The following PDE4D variants were observed in gnomAD, a reference collection of about 807,000 sequenced individuals.
PDE4D encodes the protein phosphodiesterase 4D, also known as 3',5'-cyclic-AMP phosphodiesterase 4D.
In PDE4D, 24 loss-of-function variants were observed where a neutral mutation model predicts 87.4. The ratio of observed to expected loss-of-function variants is 0.27; its 90% CI spans 0.20 to 0.39. The LOEUF (loss-of-function observed/expected upper bound fraction) is 0.39, where lower values mean the gene tolerates loss of function less well. Ranked by LOEUF, PDE4D falls within the 10% of genes least tolerant of loss-of-function variation. The probability of loss-of-function intolerance (pLI) is 1.00; values close to 1 mark genes in which losing one functional copy is unlikely to be tolerated. For synonymous variants in PDE4D, 384 were observed against 383.2 expected (o/e 1.00, Z -0.02); for missense variants, 714 against 1,041.0 (o/e 0.69, Z 4.32).
chr5:59,893,148 AG>A lies in PDE4D; in HGVS notation c.455+19del. On this transcript the variant is annotated intron_variant, in intron 1 of 14. Transcript: ENST00000340635. ...AGGTGACCCTTTGCCTGAATGGGGG[AG>A]GGGGCGCTCTCCACTCACCGCCTGA... 1.9e-6 allele frequency: 3 copies of A among 1,545,384 alleles called. No individual in the cohort carries two copies. Among genetic ancestry groups the A allele is most frequent in the Non-Finnish European group, 2.6e-6 (3 of 1,144,472 alleles).
intron 2 of PDE4D, among the ~76,000 whole-genome samples, chr5:60,150,065 A>ATATAC (rs1326736043): frequency 5.4e-5 from 8 of 148,012 alleles, no homozygotes; most frequent in Non-Finnish European, 4.5e-5. Context: ...ATACTAGTAT[A>ATATAC]TATGACTAGT....
Position 60,321,431 on chromosome 5 carries a change from C to A in PDE4D, c.-89-135744G>T, listed in dbSNP as rs540358019. Among the ~76,000 whole-genome samples the A allele has an allele frequency of 1.6e-4, 24 of 152,272 alleles. No individual in the cohort carries two copies. In the East Asian group the frequency reaches 2.9e-3, roughly 18 times the overall value. On this transcript the variant is annotated intron_variant, in intron 1 of 16. Transcript: ENST00000502484. ...AAAGCCTTAAATGTAAAACCTAAAA[C>A]TATACAAATGCTGGAAGATAACCAA...
intron 1 of PDE4D, among the ~76,000 whole-genome samples, chr5:59,354,691 T>A (rs1781078303): frequency 6.6e-6 from 1 of 152,232 alleles, no homozygotes; most frequent in Non-Finnish European, 1.5e-5. Context: ...CCAACTGCCT[T>A]CCTACCTCCC....
At chr5:60,422,464 A>T (rs1389890174) in intron 1 of PDE4D, among the ~76,000 whole-genome samples, 1 of 152,214 alleles carries the variant, frequency 6.6e-6, no homozygotes, top group Non-Finnish European at 1.5e-5. Context: ...AGTGAAGGAG[A>T]AATAAAATCC....
chr5:60,063,464 A>G (rs1227822320), intron 2 of PDE4D, among the ~76,000 whole-genome samples: 2 of 152,114 alleles, frequency 1.3e-5, no homozygotes, highest in African/African-American at 4.8e-5. Context: ...GAAGGCTAGC[A>G]TGGCTGACTC....
At chr5:59,552,572 A>G (rs697075) in intron 1 of PDE4D, among the ~76,000 whole-genome samples, 73,820 of 152,058 alleles carry the variant, frequency 0.49, 21,569 homozygotes, top group East Asian at 0.63. Context: ...AATTGGTTTC[A>G]CCATTGAAAT....
At chr5:60,005,373 T>C (rs191705692) in intron 2 of PDE4D, among the ~76,000 whole-genome samples, 13 of 152,160 alleles carry the variant, frequency 8.5e-5, no homozygotes, top group African/African-American at 2.6e-4. Flanking sequence ...TTATGGGGAT[T>C]TAATATTGCA....
chr5:59,026,187 C>G (rs1446039716), intron 6 of PDE4D, among the ~76,000 whole-genome samples: 1 of 152,170 alleles, frequency 6.6e-6, no homozygotes, highest in African/African-American at 2.4e-5. Flanking sequence ...AATATGGCCT[C>G]TATGGTTTTT....
At position 60,322,381 on chromosome 5, in the gene PDE4D, C is replaced by G. The variant is rs868168924; in HGVS notation, c.-89-136694G>C. On this transcript the variant is annotated intron_variant, in intron 1 of 16. Transcript: ENST00000502484. ...ATGGACACACATACACACACACACACACACACACACACACACACACACACA... is the reference window on the plus strand; with the variant it reads ...ATGGACACACATACACACACACACAGACACACACACACACACACACACACA... 5.2e-4 allele frequency among the ~76,000 whole-genome samples: 70 copies of G among 135,766 alleles called. No individual in the cohort carries two copies. In the East Asian group the frequency reaches 0.013, roughly 25 times the overall value. The allele number at this position is 135,766 out of a possible 152,430, so 89.1% of individuals were successfully genotyped here.
intron 11 of PDE4D, among the ~76,000 whole-genome samples, chr5:58,981,958 A>G (rs1020557481): frequency 6.6e-6 from 1 of 152,152 alleles, no homozygotes; most frequent in African/African-American, 2.4e-5. Context: ...CCCAGTCAAC[A>G]CTGTAATGCC....
chr5:58,982,522 A>G (rs1310936756), intron 11 of PDE4D, among the ~76,000 whole-genome samples: 1 of 152,200 alleles, frequency 6.6e-6, no homozygotes, highest in Non-Finnish European at 1.5e-5. Flanking sequence ...GGGAAGGCAC[A>G]TCTGTTTCCA....
chr5:59,156,777 G>A (rs77500027), intron 5 of PDE4D, among the ~76,000 whole-genome samples: 3,341 of 152,020 alleles, frequency 0.022, 133 homozygotes, highest in African/African-American at 0.076. Flanking sequence ...TATATACAGC[G>A]AAATTTTCAG....
At chr5:59,341,478 G>A (rs886504365) in intron 1 of PDE4D, among the ~76,000 whole-genome samples, 11 of 152,236 alleles carry the variant, frequency 7.2e-5, no homozygotes, top group Admixed American at 7.2e-4. Context: ...CAATAACAGT[G>A]ATTTGAAATT....
In PDE4D at chr5:59,244,672, GTGTGTGTC is replaced by G. The variant is rs1380306910; in HGVS notation, c.456-28712_456-28705del. On this transcript the variant is annotated intron_variant, in intron 1 of 14. Transcript: ENST00000340635. Reference sequence around the variant, plus strand: ...TATGTATAGATATATGTATGTATGTGTGTGTGTCTGTGTGTGTGTGTGTGTGTGTGTGT... The same window carrying G: ...TATGTATAGATATATGTATGTATGTGTGTGTGTGTGTGTGTGTGTGTGTGT... Among the ~76,000 whole-genome samples the G allele has an allele frequency of 7.3e-3, 679 of 92,780 alleles. 3 individuals carry two copies. Among genetic ancestry groups the G allele is most frequent in the South Asian group, 0.03 (77 of 2,584 alleles). The allele number at this position is 92,780 out of a possible 152,430, so 60.9% of individuals were successfully genotyped here.
chr5:59,669,569 A>G (rs298057), intron 1 of PDE4D, among the ~76,000 whole-genome samples: 1 of 151,996 alleles, frequency 6.6e-6, no homozygotes, highest in South Asian at 2.1e-4. Context: ...AAATTATTAA[A>G]ATTTAACTAA....
chr5:59,404,683 C>A (rs1436284168), intron 1 of PDE4D, among the ~76,000 whole-genome samples: 3 of 132,358 alleles, frequency 2.3e-5, no homozygotes, highest in East Asian at 4.2e-4. Flanking sequence ...AAAAAAAAAT[C>A]TTTGCTCAGG....
chr5:59,047,747 C>T (rs1760927142), intron 5 of PDE4D, among the ~76,000 whole-genome samples: 1 of 152,188 alleles, frequency 6.6e-6, no homozygotes, highest in South Asian at 2.1e-4. Flanking sequence ...AATCTAATCC[C>T]CGGTGTCACG....
intron 1 of PDE4D, among the ~76,000 whole-genome samples, chr5:59,440,810 A>G (rs1171652907): frequency 6.6e-6 from 1 of 152,128 alleles, no homozygotes; most frequent in Admixed American, 6.5e-5. Context: ...AGATCCTCAT[A>G]GTTAAAAGGT....
chr5:60,342,647 G>A (rs906245034), intron 1 of PDE4D, among the ~76,000 whole-genome samples: 23 of 151,982 alleles, frequency 1.5e-4, no homozygotes, highest in African/African-American at 4.6e-4. Context: ...TTAACTCCTT[G>A]AGATCAATAA....
Sources: allele counts gnomAD v4.1 joint callset (sites outside exome capture counted in the v4.1 genomes callset), GRCh38; gene constraint gnomAD v4.1.1; transcripts MANE v1.5; gene names NCBI Gene and HGNC (gene_info 2026-07-23, HGNC 2026-07-21).